Variants in ATP11A observed in about 807,000 individuals in gnomAD.
ATP11A encodes phospholipid-transporting ATPase IH.
A neutral mutation model predicts 154.4 loss-of-function variants in ATP11A; 81 were observed. The observed-to-expected ratio is 0.52, with a 90% CI of 0.44 to 0.63. The LOEUF is 0.63. Among genes scored for constraint, ATP11A ranks in the 30% least tolerant of loss-of-function variants. The pLI, the probability that ATP11A is intolerant of heterozygous loss-of-function variation, is 0.00. For missense variants in ATP11A, 1,316 were observed against 1,474.3 expected, an observed-to-expected ratio of 0.89 and a Z score of 1.76; for synonymous variants, 623 against 585.9, an observed-to-expected ratio of 1.06 and a Z score of -0.91.
At chr13:112,834,387 C>G (rs749058657) in intron 14 of ATP11A, among the ~76,000 whole-genome samples, 2 of 152,234 alleles carry the variant, frequency 1.3e-5, no homozygotes, top group African/African-American at 2.4e-5. Flanking sequence ...TAGAAATTCT[C>G]TTGCTCTTGG....
chr13:112,763,741 C>A (rs966241249), intron 1 of ATP11A, among the ~76,000 whole-genome samples: 2 of 152,240 alleles, frequency 1.3e-5, no homozygotes, highest in Non-Finnish European at 2.9e-5. Flanking sequence ...TTCACTCTTT[C>A]AAGCAGTCGC....
intron 1 of ATP11A, among the ~76,000 whole-genome samples, chr13:112,724,145 C>T (rs531911330): frequency 7.5e-6 from 1 of 133,546 alleles, no homozygotes; most frequent in South Asian, 2.9e-4. Flanking sequence ...CCCTTCACCC[C>T]CTTTGCCCCT....
chr13:112,752,322 C>T (rs1026753162), intron 1 of ATP11A, among the ~76,000 whole-genome samples: 3 of 152,186 alleles, frequency 2.0e-5, no homozygotes, highest in Admixed American at 6.5e-5. Flanking sequence ...TTCTGTGCTG[C>T]AGTCAGGAAG....
chr13:112,708,188 G>A (rs1355060769), intron 1 of ATP11A, among the ~76,000 whole-genome samples: 2 of 152,164 alleles, frequency 1.3e-5, no homozygotes, highest in African/African-American at 2.4e-5. Flanking sequence ...ACAACCAGCA[G>A]GATGCAGAAA....
At chr13:112,791,390 G>A (rs1034212834) in intron 2 of ATP11A, among the ~76,000 whole-genome samples, 1 of 152,218 alleles carries the variant, frequency 6.6e-6, no homozygotes, top group Non-Finnish European at 1.5e-5. Context: ...GGCGGAGCTC[G>A]CCCGACAGCC....
chr13:112,785,520 G>A lies in ATP11A; in HGVS notation c.162+263G>A, dbSNP rs1002240071. Among the ~76,000 whole-genome samples, 7 of 152,134 alleles carry A rather than the reference G, an allele frequency of 4.6e-5. No individual in the cohort carries two copies. Among genetic ancestry groups the A allele is most frequent in the Admixed American group, 3.3e-4 (5 of 15,278 alleles). ...CTCGGGTGACCGTGCCACAGAGGCA[G>A]TGCAGGTCTGAAGTCCAGGATCCAA... On this transcript the variant is annotated intron_variant, in intron 2 of 29. Transcript: ENST00000375645. The surrounding 1 kb of genome is among the most constrained non-coding windows in gnomAD (Gnocchi z 4.8).
At position 112,765,443 on chromosome 13, in the gene ATP11A, A is replaced by G. The variant is rs372012305; in HGVS notation, c.40-19692A>G. 4.4e-3 allele frequency among the ~76,000 whole-genome samples: 666 copies of G among 152,180 alleles called. 3 individuals are homozygous for G. Among genetic ancestry groups the G allele is most frequent in the African/African-American group, 0.014 (583 of 41,522 alleles). ...GCCTCTGCTCCCTTCCCCTCACTCC[A>G]TCTGATTCGGCCCCGTTTCCTTGTC... is the stretch of plus-strand genomic sequence containing the variant. On this transcript the variant is annotated intron_variant, in intron 1 of 29. Coordinates refer to ENST00000375645, the MANE Select transcript of ATP11A (RefSeq NM_015205.3).
chr13:112,787,439 C>T (rs2077672013), intron 2 of ATP11A, among the ~76,000 whole-genome samples: 1 of 128,110 alleles, frequency 7.8e-6, no homozygotes, highest in Admixed American at 7.4e-5. Flanking sequence ...ACTTAATTCA[C>T]ACCGGGTGTC....
intron 1 of ATP11A, among the ~76,000 whole-genome samples, chr13:112,728,474 C>A (rs905264072): frequency 6.6e-6 from 1 of 150,376 alleles, no homozygotes. Flanking sequence ...CCGTGCAGCC[C>A]GCTTCCCTGT....
At position 112,858,251 on chromosome 13, in the gene ATP11A, C is replaced by T. The variant is rs1217951525; in HGVS notation, c.2628C>T (p.Tyr876=). The change falls in exon 22 of 30, where the codon TAC becomes TAT. Residue 876 remains tyrosine (Y), a synonymous_variant. Transcript: ENST00000375645. ...TGCTTGTTCACGGGCATTTTTATTACATTAGGATCTCTGAGCTCGTGCAGT... is the reference window on the plus strand; with the variant it reads ...TGCTTGTTCACGGGCATTTTTATTATATTAGGATCTCTGAGCTCGTGCAGT... ...KMLLVHGHFY[Y]IRISELVQYF... is the part of the protein sequence containing the mutation. The T allele has an allele frequency of 1.2e-6, 2 of 1,613,996 alleles. No homozygotes were observed. The highest frequency in any genetic ancestry group is 3.4e-4 in the Middle Eastern group (2 of 5,950).
rs533474637 is a variant in ATP11A, at chr13:112,857,929, C to T, written c.2521+9C>T. The T allele has an allele frequency of 8.7e-6, 14 of 1,613,746 alleles. No homozygotes were observed. Among genetic ancestry groups the T allele is most frequent in the East Asian group, 2.2e-5 (1 of 44,884 alleles). On this transcript the variant is annotated intron_variant, in intron 21 of 29. Transcript: ENST00000375645. ...AGCGCACGTGGGCATAGGTGAGCTT[C>T]GTCCTTGCTGCTGGCACATCCTGGT...
At chr13:112,774,903 T>C (rs1459396568) in intron 1 of ATP11A, among the ~76,000 whole-genome samples, 1 of 151,548 alleles carries the variant, frequency 6.6e-6, no homozygotes, top group Non-Finnish European at 1.5e-5. Flanking sequence ...CGAGGCTGTG[T>C]GTCTGAGCAG....
intron 1 of ATP11A, among the ~76,000 whole-genome samples, chr13:112,762,705 C>A (rs1166990426): frequency 6.6e-6 from 1 of 152,152 alleles, no homozygotes; most frequent in Admixed American, 6.5e-5. Context: ...AGCTCGAAAC[C>A]CAGTTATGCT....
chr13:112,799,769 A>G (rs1345367667), intron 2 of ATP11A, among the ~76,000 whole-genome samples: 1 of 152,244 alleles, frequency 6.6e-6, no homozygotes, highest in East Asian at 1.9e-4. Context: ...AACATTTGCC[A>G]TGACAGATCA....
intron 2 of ATP11A, among the ~76,000 whole-genome samples, chr13:112,793,766 G>A (rs1044947402): frequency 6.6e-5 from 10 of 152,244 alleles, no homozygotes; most frequent in Non-Finnish European, 1.0e-4. Context: ...CAGCTTGTAG[G>A]TGCTCCTGCG....
At chr13:112,825,022 C>G (rs566875932) in intron 10 of ATP11A, among the ~76,000 whole-genome samples, 127 of 152,330 alleles carry the variant, frequency 8.3e-4, no homozygotes, top group African/African-American at 2.9e-3. Flanking sequence ...TCCCTCTCTT[C>G]CTTCCTCTCC....
intron 13 of ATP11A, among the ~76,000 whole-genome samples, chr13:112,832,356 A>G (rs2079118033): frequency 6.6e-6 from 1 of 152,144 alleles, no homozygotes; most frequent in African/African-American, 2.4e-5. Flanking sequence ...AATAGCTCCA[A>G]CTTCTTAAGG....
intron 16 of ATP11A, among the ~76,000 whole-genome samples, chr13:112,839,854 T>A (rs1012785142): frequency 1.3e-5 from 2 of 152,188 alleles, no homozygotes; most frequent in Non-Finnish European, 2.9e-5. Context: ...TAGTAAAAAA[T>A]GTGCTGTTGT....
intron 20 of ATP11A, among the ~76,000 whole-genome samples, chr13:112,857,205 T>G (rs1025563614): frequency 2.4e-4 from 36 of 152,210 alleles, no homozygotes; most frequent in African/African-American, 7.5e-4. Context: ...CTCTTCATTC[T>G]TACAGCTTGA....
Sources: gnomAD v4.1 joint callset for allele counts (sites outside exome capture counted in the v4.1 genomes callset) on GRCh38, gnomAD v4.1.1 for gene constraint, Gnocchi (gnomAD v3.1) non-coding constraint, MANE v1.5 for transcripts, NCBI Gene and HGNC (gene_info 2026-07-23, HGNC 2026-07-21) for gene names.